ANKRD17: variants seen among roughly 807,000 people sequenced by gnomAD.
The protein encoded by ANKRD17 is ankyrin repeat domain-containing protein 17.
Under a neutral mutation model 229.7 loss-of-function variants are expected in ANKRD17, and 19 were observed. The ratio of observed to expected loss-of-function variants is 0.08; its 90% CI spans 0.06 to 0.12. The LOEUF (loss-of-function observed/expected upper bound fraction) is 0.12. Ranked by LOEUF, ANKRD17 falls within the 10% of genes least tolerant of loss-of-function variation. The pLI, the probability that ANKRD17 is intolerant of heterozygous loss-of-function variation, is 1.00. For synonymous variants in ANKRD17, 1,112 were observed against 1,146.1 expected, an observed-to-expected ratio of 0.97 and a Z score of 0.60; for missense variants, 2,176 against 3,176.8, an observed-to-expected ratio of 0.68 and a Z score of 7.57.
chr4:73,125,500 C>T (rs932614838), intron 16 of ANKRD17, among the ~76,000 whole-genome samples, 188 bp from the exon 17 acceptor site: 5 of 151,764 alleles, frequency 3.3e-5, no homozygotes, highest in South Asian at 2.1e-4. Context: ...TTTGAGAGGC[C>T]GAGGTGGGCA....
chr4:73,155,430 A>G lies in ANKRD17; in HGVS notation c.1000+201T>C, dbSNP rs1332057534. On this transcript the variant is annotated intron_variant, in intron 5 of 33. Transcript: ENST00000358602. ...TATCTTAAAGAATCTTAAAAGGCCA[A>G]TTGCCCTCATAAACAAAACAGGAAG... Among the ~76,000 whole-genome samples the G allele has an allele frequency of 8.5e-5, 13 of 152,232 alleles. No individual in the cohort carries two copies. The East Asian group carries it at 2.5e-3, about 29-fold the overall frequency.
intron 1 of ANKRD17, among the ~76,000 whole-genome samples, chr4:73,249,394 T>C (rs1744782943): frequency 6.6e-6 from 1 of 152,206 alleles, no homozygotes; most frequent in African/African-American, 2.4e-5. Context: ...GGCACAGCCA[T>C]AAAGCAGTTC....
intron 2 of ANKRD17, among the ~76,000 whole-genome samples, chr4:73,176,956 A>G (rs927421098): frequency 3.9e-5 from 6 of 152,206 alleles, no homozygotes; most frequent in African/African-American, 1.4e-4. Flanking sequence ...ATAGCAGGAG[A>G]GCTGAAACAA....
chr4:73,114,092 G>T (rs1227381818), intron 23 of ANKRD17, among the ~76,000 whole-genome samples, 184 bp from the exon 24 acceptor site: 1 of 152,150 alleles, frequency 6.6e-6, no homozygotes, highest in Non-Finnish European at 1.5e-5. Context: ...ATATACAAAT[G>T]AAGAATCAAA....
chr4:73,125,732 CA>C (rs56986647), intron 16 of ANKRD17, among the ~76,000 whole-genome samples: 10,805 of 68,004 alleles, frequency 0.16, 1,097 homozygotes, highest in African/African-American at 0.39. Flanking sequence ...GACTCCGTCT[CA>C]AAAAAAAAAA....
At chr4:73,190,242 G>C (rs1397066754) in intron 1 of ANKRD17, among the ~76,000 whole-genome samples, 1 of 152,000 alleles carries the variant, frequency 6.6e-6, no homozygotes, top group Non-Finnish European at 1.5e-5. Flanking sequence ...GGTGGCATGT[G>C]CCTGTAATCC....
rs1404904098 is a variant in ANKRD17, at chr4:73,074,483, A to C, written c.*1748T>G. The C allele has an allele frequency of 6.6e-6, 1 of 151,836 alleles. No homozygotes were observed. Among genetic ancestry groups the C allele is most frequent in the Non-Finnish European group, 1.5e-5 (1 of 67,828 alleles). 9.4% of individuals were successfully genotyped at this position (151,836 alleles called of 1,614,324 possible). A position where few individuals can be genotyped will look rare whatever the true frequency, so the allele number is the denominator to read the frequency against. The stretch of plus-strand genomic sequence containing the variant: ...AGGCTGTCTTTTAGCTCTCCCTTTA[A>C]ATTTGGGCATATTAAACATAGGTGG... On this transcript the variant is annotated 3_prime_UTR_variant, in exon 34 of 34. Coordinates refer to ENST00000358602, the MANE Select transcript of ANKRD17 (RefSeq NM_032217.5).
intron 18 of ANKRD17, among the ~76,000 whole-genome samples, chr4:73,122,045 G>T (rs1726808757): frequency 2.0e-5 from 3 of 152,066 alleles, no homozygotes; most frequent in Admixed American, 1.3e-4. Flanking sequence ...ATTAATATTT[G>T]TTATTTCACC....
At chr4:73,256,982 T>C (rs1479804520) in intron 1 of ANKRD17, among the ~76,000 whole-genome samples, 1 of 152,224 alleles carries the variant, frequency 6.6e-6, no homozygotes, top group Non-Finnish European at 1.5e-5. Context: ...CTTTAAAAGG[T>C]ACTTCTCTAT....
At position 73,141,841 on chromosome 4, in the gene ANKRD17, A is replaced by C. The variant is rs773696404; in HGVS notation, c.2232T>G (p.Ala744=). 5 of 1,613,354 alleles carry C rather than the reference A, an allele frequency of 3.1e-6. No homozygotes were observed. The highest frequency in any genetic ancestry group is 3.4e-6 in the Non-Finnish European group (4 of 1,179,564). The part of the protein sequence containing the change: ...LTPPSHDLNR[A]PRVPVQALPM... ...GCAGTGCTTGAACTGGTACACGAGG[A>C]GCCTAAGACAAAGGACACTAAGTGA... The change falls in exon 14 of 34, where the codon GCT becomes GCG. Residue 744 remains alanine, a splice_region_variant and synonymous_variant. Coordinates refer to ENST00000358602, the MANE Select transcript of ANKRD17 (RefSeq NM_032217.5).
chr4:73,153,710 T>A (rs1731295605), intron 6 of ANKRD17, among the ~76,000 whole-genome samples, 170 bp downstream of exon 6: 1 of 152,216 alleles, frequency 6.6e-6, no homozygotes, highest in African/African-American at 2.4e-5. Flanking sequence ...ATCTATATTT[T>A]AAAAATTTAA....
At chr4:73,253,177 T>C (rs75358864) in intron 1 of ANKRD17, among the ~76,000 whole-genome samples, 18 of 152,340 alleles carry the variant, frequency 1.2e-4, no homozygotes, top group East Asian at 5.8e-4. Flanking sequence ...ACCTGTAAAA[T>C]GAATGCTCCC....
chr4:73,082,156 TAAA>T (rs11367760), intron 30 of ANKRD17, among the ~76,000 whole-genome samples: 36 of 129,042 alleles, frequency 2.8e-4, no homozygotes, highest in Non-Finnish European at 2.9e-4. Flanking sequence ...TCTTTTTATT[TAAA>T]AAAAAAAAAA....
chr4:73,138,328 C>A (rs901337242), intron 15 of ANKRD17, among the ~76,000 whole-genome samples: 3 of 152,056 alleles, frequency 2.0e-5, no homozygotes, highest in Non-Finnish European at 4.4e-5. Flanking sequence ...ACCCTTAAGA[C>A]TAGCAGAAAT....
intron 22 of ANKRD17, among the ~76,000 whole-genome samples, chr4:73,118,326 C>G (rs1213245147): frequency 6.6e-6 from 1 of 152,058 alleles, no homozygotes; most frequent in Admixed American, 6.6e-5. Flanking sequence ...ATATTTTTCT[C>G]TGTAGTGGTA....
rs376692862 is a variant in ANKRD17 at position 73,250,476 on chromosome 4, G to A, written c.393+7800C>T. Among the ~76,000 whole-genome samples the A allele has an allele frequency of 4.3e-4, 64 of 150,182 alleles. 1 individual carries two copies. The South Asian group carries it at 0.013, about 31-fold the overall frequency. On this transcript the variant is annotated intron_variant, in intron 1 of 33. Coordinates refer to ENST00000358602, the MANE Select transcript of ANKRD17 (RefSeq NM_032217.5). ...CAATTAGCCAGGCGCAGTGGCTCAC[G>A]CTGCAACTCCAGATACTCAGGAAGG...
In ANKRD17 at chr4:73,218,064, C is replaced by T. The variant is rs999757660; in HGVS notation, c.393+40212G>A. ...TGTATTGTAGGTATGTGTATACACA[C>T]GCGTATGCTGGTTTATAGGTAAAAA... On this transcript the variant is annotated intron_variant, in intron 1 of 33. Transcript: ENST00000358602. 2.6e-5 allele frequency among the ~76,000 whole-genome samples: 4 copies of T among 152,186 alleles called. No individual in the cohort carries two copies. The East Asian group carries it at 5.8e-4, about 22-fold the overall frequency.
chr4:73,136,202 C>T (rs548101920), intron 15 of ANKRD17, among the ~76,000 whole-genome samples: 30 of 152,070 alleles, frequency 2.0e-4, no homozygotes, highest in Non-Finnish European at 3.1e-4. Flanking sequence ...TCTCCCCCAA[C>T]CCCATTAAAA....
intron 1 of ANKRD17, among the ~76,000 whole-genome samples, chr4:73,213,402 T>C (rs1740583327): frequency 6.6e-6 from 1 of 152,124 alleles, no homozygotes; most frequent in East Asian, 1.9e-4. Flanking sequence ...CATGATTAAG[T>C]AGGCAGTATT....
Sources: allele counts gnomAD v4.1 joint callset (sites outside exome capture counted in the v4.1 genomes callset), GRCh38; gene constraint gnomAD v4.1.1; transcripts MANE v1.5; gene names NCBI Gene and HGNC (gene_info 2026-07-23, HGNC 2026-07-21).